Variants in ZMAT3 observed in about 807,000 individuals in gnomAD.
The protein encoded by ZMAT3 is zinc finger matrin-type protein 3.
In ZMAT3, 17 loss-of-function variants were observed where a neutral mutation model predicts 32.3. The observed-to-expected ratio is 0.53, with a 90% CI of 0.36 to 0.79. ZMAT3 has a LOEUF of 0.79. Ranked by LOEUF, ZMAT3 falls within the 30% of genes least tolerant of loss-of-function variation. The probability of loss-of-function intolerance (pLI) is 0.00; values close to 1 mark genes in which losing one functional copy is unlikely to be tolerated. For missense variants in ZMAT3, 329 were observed against 359.7 expected (o/e 0.91, Z 0.69); for synonymous variants, 120 against 133.1 (o/e 0.90, Z 0.68).
chr3:179,029,732 G>A (rs1358033398), intron 3 of ZMAT3, among the ~76,000 whole-genome samples: 1 of 152,142 alleles, frequency 6.6e-6, no homozygotes, highest in African/African-American at 2.4e-5. Flanking sequence ...ATTGCAGCCT[G>A]GGGCAAAAGG....
chr3:179,038,969 G>A (rs965939090), intron 2 of ZMAT3, among the ~76,000 whole-genome samples: 2 of 152,272 alleles, frequency 1.3e-5, no homozygotes, highest in African/African-American at 4.8e-5. Flanking sequence ...TAGCGCAGCA[G>A]TCTGAGATCA....
chr3:179,057,257 T>C (rs951226618), intron 2 of ZMAT3, among the ~76,000 whole-genome samples: 2 of 152,146 alleles, frequency 1.3e-5, no homozygotes, highest in Non-Finnish European at 2.9e-5. Flanking sequence ...GAGGCTGCTG[T>C]CCCTCTATAC....
chr3:179,037,001 A>C (rs545587270), intron 2 of ZMAT3, among the ~76,000 whole-genome samples: 6 of 152,250 alleles, frequency 3.9e-5, no homozygotes, highest in African/African-American at 1.4e-4. Context: ...ACAGATGGCA[A>C]ACCTCTTTTG....
chr3:179,025,214 T>A lies in ZMAT3; in HGVS notation c.673A>T (p.Asn225Tyr). ...VQNNSAGPYF[N>Y]PRSRQRIPRD... is the part of the protein sequence containing the mutation. Reference sequence around the variant, plus strand: ...GGAATTCTCTGCCGAGAGCGGGGATTGAAGTAAGGACCTGCTAAAGCAAGA... The same window carrying A: ...GGAATTCTCTGCCGAGAGCGGGGATAGAAGTAAGGACCTGCTAAAGCAAGA... Residue 225 changes from asparagine to tyrosine, a missense_variant, in exon 6 of 6, where the codon AAT (asparagine) becomes TAT (tyrosine). Physicochemically the swap from Asn to Tyr is moderately radical, Grantham distance 143. Transcript: ENST00000311417. The A allele has an allele frequency of 6.2e-7, 1 of 1,613,858 alleles. No individual in the cohort carries two copies. Among genetic ancestry groups the A allele is most frequent in the Non-Finnish European group, 8.5e-7 (1 of 1,179,834 alleles).
In ZMAT3 at chr3:179,067,757, T is replaced by C. The variant is rs765724923; in HGVS notation, c.-5A>G. ...GGCGTGTTGCAAGAGGATCATTGGG[T>C]AGGGAAGCCTGGGGCATAATCCAGT... On this transcript the variant is annotated 5_prime_UTR_variant, in exon 2 of 6. Transcript: ENST00000311417. 2.5e-5 allele frequency: 41 copies of C among 1,613,392 alleles called. No individual in the cohort carries two copies. Among genetic ancestry groups the C allele is most frequent in the African/African-American group, 4.0e-5 (3 of 74,878 alleles).
chr3:179,060,063 G>A (rs182929629), intron 2 of ZMAT3, among the ~76,000 whole-genome samples: 1 of 152,032 alleles, frequency 6.6e-6, no homozygotes, highest in African/African-American at 2.4e-5. Context: ...CCAGGCATTC[G>A]AGCCAGCAAC....
chr3:179,045,519 A>T (rs1388135842), intron 2 of ZMAT3, among the ~76,000 whole-genome samples: 1 of 152,242 alleles, frequency 6.6e-6, no homozygotes, highest in East Asian at 1.9e-4. Context: ...GAATAAAAAG[A>T]GCAAATTGCA....
chr3:179,066,818 T>C (rs1721439746), intron 2 of ZMAT3, among the ~76,000 whole-genome samples: 1 of 152,252 alleles, frequency 6.6e-6, no homozygotes. Flanking sequence ...CCACTAGCTA[T>C]TCAACATGGA....
At chr3:179,025,940 C>T (rs564020928) in intron 5 of ZMAT3, among the ~76,000 whole-genome samples, 4 of 152,288 alleles carry the variant, frequency 2.6e-5, no homozygotes, top group Admixed American at 6.5e-5. Flanking sequence ...ATAAGCTGGA[C>T]GCTTAGTTCG....
In ZMAT3 at chr3:179,023,689, A is replaced by AATATATATATATATATATAT. The variant is rs1232846996; in HGVS notation, c.*1327_*1328insATATATATATATATATATAT. 0.012 allele frequency: 510 copies of AATATATATATATATATATAT among 42,174 alleles called. 130 individuals are homozygous for AATATATATATATATATATAT. Among genetic ancestry groups the AATATATATATATATATATAT allele is most frequent in the East Asian group, 0.026 (24 of 912 alleles). The allele number at this position is 42,174 out of a possible 1,614,324, so 2.6% of individuals were successfully genotyped here. A position where few individuals can be genotyped will look rare whatever the true frequency, so the allele number is the denominator to read the frequency against. ...CTTTGTTTCCTAAAAACTGCTGGAA[A>AATATATATATATATATATAT]ATATATCTATATATATATATATTTT... On this transcript the variant is annotated 3_prime_UTR_variant, in exon 6 of 6. Coordinates refer to ENST00000311417, the MANE Select transcript of ZMAT3 (RefSeq NM_022470.4).
In ZMAT3 at chr3:179,020,121, C is replaced by T. The variant is rs964557714; in HGVS notation, c.*4896G>A. ...AGAATTCACACAGACCTTTGTTATT[C>T]CAAGCTCCTATTTATGAATGGTGAT... On this transcript the variant is annotated 3_prime_UTR_variant, in exon 6 of 6. Transcript: ENST00000311417. 3 of 152,094 alleles carry T rather than the reference C, an allele frequency of 2.0e-5. No homozygotes were observed. The highest frequency in any genetic ancestry group is 7.2e-5 in the African/African-American group (3 of 41,428). 9.4% of individuals were successfully genotyped at this position (152,094 alleles called of 1,614,324 possible). A position where few individuals can be genotyped will look rare whatever the true frequency, so the allele number is the denominator to read the frequency against.
At chr3:179,070,907 G>C (rs1721674426) in intron 1 of ZMAT3, among the ~76,000 whole-genome samples, 1 of 152,088 alleles carries the variant, frequency 6.6e-6, no homozygotes, top group Non-Finnish European at 1.5e-5. Context: ...ACAATCTCTT[G>C]TCTCATTTGG....
chr3:179,038,229 C>A (rs769715451), intron 2 of ZMAT3, among the ~76,000 whole-genome samples: 1 of 152,108 alleles, frequency 6.6e-6, no homozygotes, highest in African/African-American at 2.4e-5. Context: ...AGTTTACGAA[C>A]GAGGTCAGGT....
chr3:179,070,333 G>A (rs565324619), intron 1 of ZMAT3, among the ~76,000 whole-genome samples: 5 of 152,294 alleles, frequency 3.3e-5, no homozygotes, highest in Admixed American at 3.3e-4. Flanking sequence ...TACCAGAGGT[G>A]ACAGTTACCT....
rs894334696 is a variant in ZMAT3, at chr3:179,018,061, G to A, written c.*6956C>T. ...AGGTACCAAAAGAGGGCAGAACAAT[G>A]ACCAGCCACTCCAAAAGAGTTTTGT... On this transcript the variant is annotated 3_prime_UTR_variant, in exon 6 of 6. Coordinates refer to ENST00000311417, the MANE Select transcript of ZMAT3 (RefSeq NM_022470.4). 6.6e-6 allele frequency: 1 copy of A among 151,998 alleles called. No individual in the cohort carries two copies. The highest frequency in any genetic ancestry group is 1.5e-5 in the Non-Finnish European group (1 of 68,002). The allele number at this position is 151,998 out of a possible 1,614,324, so 9.4% of individuals were successfully genotyped here.
chr3:179,036,574 G>C (rs530037574), intron 2 of ZMAT3, among the ~76,000 whole-genome samples: 1 of 152,218 alleles, frequency 6.6e-6, no homozygotes, highest in East Asian at 1.9e-4. Context: ...GTAGAAGGGA[G>C]GTGAACCGCA....
Position 179,018,588 on chromosome 3 carries a change from T to C in ZMAT3, c.*6429A>G, listed in dbSNP as rs1450452148. 1.3e-5 allele frequency: 2 copies of C among 152,056 alleles called. No homozygotes were observed. Among genetic ancestry groups the C allele is most frequent in the Non-Finnish European group, 2.9e-5 (2 of 68,008 alleles). 9.4% of individuals were successfully genotyped at this position (152,056 alleles called of 1,614,324 possible). A position where few individuals can be genotyped will look rare whatever the true frequency, so the allele number is the denominator to read the frequency against. ...TGGAACATTTCAATTCTGATTCAAT[T>C]CTACCCATTGAATCTTCATGACCTG... On this transcript the variant is annotated 3_prime_UTR_variant, in exon 6 of 6. Transcript: ENST00000311417.
chr3:179,064,459 G>T (rs952629884), intron 2 of ZMAT3, among the ~76,000 whole-genome samples: 6 of 151,984 alleles, frequency 3.9e-5, no homozygotes, highest in African/African-American at 1.4e-4. Flanking sequence ...TGTGTTTTTT[G>T]TTGTTGTCTT....
At chr3:179,037,084 A>G (rs937909386) in intron 2 of ZMAT3, among the ~76,000 whole-genome samples, 1 of 152,156 alleles carries the variant, frequency 6.6e-6, no homozygotes, top group Admixed American at 6.5e-5. Flanking sequence ...CTATTGCTCA[A>G]TGAAATTCTT....
Sources: allele counts gnomAD v4.1 joint callset (sites outside exome capture counted in the v4.1 genomes callset), GRCh38; gene constraint gnomAD v4.1.1; transcripts MANE v1.5; gene names NCBI Gene and HGNC (gene_info 2026-07-23, HGNC 2026-07-21).